Variants in BANP observed in about 807,000 individuals in gnomAD.
BANP encodes protein BANP.
BANP carries 11 observed loss-of-function variants against 68.1 expected under a neutral mutation model. That is an observed-to-expected ratio of 0.16 (90% confidence interval 0.10 to 0.27). BANP has a LOEUF of 0.27. Ranked by LOEUF, BANP falls within the 10% of genes least tolerant of loss-of-function variation. The probability of loss-of-function intolerance (pLI) is 1.00; values close to 1 mark genes in which losing one functional copy is unlikely to be tolerated. For synonymous variants in BANP, 329 were observed against 303.2 expected, an observed-to-expected ratio of 1.09 and a Z score of -0.88; for missense variants, 504 against 722.7, an observed-to-expected ratio of 0.70 and a Z score of 3.47.
chr16:88,049,859 C>G (rs955574598), intron 11 of BANP, among the ~76,000 whole-genome samples: 4 of 152,190 alleles, frequency 2.6e-5, no homozygotes, highest in Non-Finnish European at 1.5e-5. Flanking sequence ...TTTCAGTGTG[C>G]CAGAAGGAAA....
intron 11 of BANP, among the ~76,000 whole-genome samples, chr16:88,042,790 C>A (rs2081140829): frequency 6.6e-6 from 1 of 151,904 alleles, no homozygotes; most frequent in Non-Finnish European, 1.5e-5. Context: ...GTGGTATGTG[C>A]CTGTAGTCCC....
At chr16:87,955,374 T>A (rs1255635755) in intron 1 of BANP, among the ~76,000 whole-genome samples, 3 of 152,208 alleles carry the variant, frequency 2.0e-5, no homozygotes, top group Non-Finnish European at 4.4e-5. Flanking sequence ...GCTTTTAATT[T>A]TCAGATAGTT....
chr16:88,048,326 T>C (rs990760639), intron 11 of BANP, among the ~76,000 whole-genome samples: 12 of 152,148 alleles, frequency 7.9e-5, no homozygotes, highest in South Asian at 4.1e-4. Context: ...TGCAGCACAA[T>C]TGTAGAACTA....
rs117600351 is a variant in BANP at position 87,953,090 on chromosome 16, G to T, written c.-69+1575G>T. ...TCATGACCCAGGAGGCAGAGGCTGC[G>T]TCCACTTTATAGATGAGGTGACTAG... On this transcript the variant is annotated intron_variant, in intron 1 of 13. Coordinates refer to ENST00000682872, the MANE Select transcript of BANP (RefSeq NM_001386991.1). 1.9e-3 allele frequency among the ~76,000 whole-genome samples: 292 copies of T among 152,016 alleles called. 5 individuals are homozygous for T. In the East Asian group the frequency reaches 0.025, roughly 13 times the overall value.
intron 9 of BANP, among the ~76,000 whole-genome samples, chr16:88,034,793 T>C (rs533666995): frequency 1.6e-4 from 24 of 149,162 alleles, no homozygotes; most frequent in Admixed American, 4.0e-4. Context: ...TGCTGGAAAA[T>C]GTTCTGTGTT....
At chr16:88,022,780 A>G (rs1307736813) in intron 7 of BANP, among the ~76,000 whole-genome samples, 1 of 152,008 alleles carries the variant, frequency 6.6e-6, no homozygotes, top group African/African-American at 2.4e-5. Context: ...GCATCCCTCC[A>G]GTCTCTGGCC....
chr16:87,983,384 A>C (rs534481854), intron 3 of BANP, among the ~76,000 whole-genome samples: 41 of 152,278 alleles, frequency 2.7e-4, no homozygotes, highest in African/African-American at 9.9e-4. Context: ...CTGGGACGGC[A>C]GCTGGGGAAA....
intron 11 of BANP, among the ~76,000 whole-genome samples, chr16:88,063,548 C>T (rs762645862): frequency 1.3e-5 from 2 of 152,230 alleles, no homozygotes; most frequent in Non-Finnish European, 2.9e-5. Context: ...CTGATCTCGC[C>T]TTCTGTGCAC....
rs560394981 is a variant in BANP, at chr16:88,004,568, C to T, written c.479+157C>T. Reference sequence around the variant, plus strand: ...AGGCACCGCCCCAGCTCTCTGAGGTCGGGGAGGGCAGGCTGGGCGATGCTG... The same window carrying T: ...AGGCACCGCCCCAGCTCTCTGAGGTTGGGGAGGGCAGGCTGGGCGATGCTG... On this transcript the variant is annotated intron_variant, in intron 5 of 13. Transcript: ENST00000682872. The surrounding 1 kb of genome is among the most constrained non-coding windows in gnomAD (Gnocchi z 7.0). 5.9e-5 allele frequency among the ~76,000 whole-genome samples: 9 copies of T among 152,152 alleles called. No homozygotes were observed. The highest frequency in any genetic ancestry group is 1.9e-4 in the African/African-American group (8 of 41,438).
At chr16:87,972,846 G>A (rs1273266658) in intron 1 of BANP, among the ~76,000 whole-genome samples, 1 of 152,176 alleles carries the variant, frequency 6.6e-6, no homozygotes, top group Non-Finnish European at 1.5e-5. Flanking sequence ...GGGAGCTTTG[G>A]ATAATGCGTT....
At chr16:88,033,345 C>T (rs2078617291) in intron 9 of BANP, 100 bp downstream of exon 9, 2 of 1,256,376 alleles carry the variant, frequency 1.6e-6, no homozygotes, top group Admixed American at 3.1e-5. Flanking sequence ...GTTTTGGGAG[C>T]ACAGTGATAG....
chr16:88,009,229 G>A (rs553716719), intron 6 of BANP, among the ~76,000 whole-genome samples: 5 of 152,316 alleles, frequency 3.3e-5, no homozygotes, highest in African/African-American at 4.8e-5. Context: ...CTGGGCAGGT[G>A]GTGAATCAGC....
chr16:87,975,292 A>C, intron 2 of BANP, 107 bp downstream of exon 2: 1 of 1,096,440 alleles, frequency 9.1e-7, no homozygotes, highest in Non-Finnish European at 1.4e-6. Context: ...AAAGTAATGC[A>C]TGCTGCGTAT....
At chr16:87,977,402 G>C (rs2062372941) in intron 2 of BANP, among the ~76,000 whole-genome samples, 1 of 147,842 alleles carries the variant, frequency 6.8e-6, no homozygotes, top group Admixed American at 6.7e-5. Flanking sequence ...CTGGGCGACA[G>C]AGCGAGACTC....
intron 7 of BANP, among the ~76,000 whole-genome samples, chr16:88,020,814 A>T (rs1181635438): frequency 6.6e-6 from 1 of 152,122 alleles, no homozygotes; most frequent in Non-Finnish European, 1.5e-5. Context: ...CAGGCTAAGG[A>T]TTCGGGCTTT....
chr16:88,029,740 G>A (rs1320667004), intron 8 of BANP, among the ~76,000 whole-genome samples: 2 of 152,162 alleles, frequency 1.3e-5, no homozygotes, highest in Non-Finnish European at 2.9e-5. Flanking sequence ...TAAGACGTTA[G>A]ACAAGCAACA....
intron 12 of BANP, among the ~76,000 whole-genome samples, chr16:88,070,884 G>A (rs545272313): frequency 2.0e-5 from 3 of 152,344 alleles, no homozygotes; most frequent in South Asian, 2.1e-4. Context: ...ATTATACTTC[G>A]TATCTTTAAA....
chr16:87,973,533 T>G (rs4078508), intron 1 of BANP, among the ~76,000 whole-genome samples: 102,771 of 151,866 alleles, frequency 0.68, 35,605 homozygotes, highest in African/African-American at 0.81. Context: ...GGCCGAGGCA[T>G]GCGGATCACC....
At chr16:88,017,774 C>T (rs1370414851) in intron 6 of BANP, among the ~76,000 whole-genome samples, 1 of 152,216 alleles carries the variant, frequency 6.6e-6, no homozygotes, top group Non-Finnish European at 1.5e-5. Context: ...GTGGGCCTGT[C>T]CACGGGTCCT....
Sources: allele counts gnomAD v4.1 joint callset (sites outside exome capture counted in the v4.1 genomes callset), GRCh38; gene constraint gnomAD v4.1.1; non-coding constraint Gnocchi (gnomAD v3.1); transcripts MANE v1.5; gene names NCBI Gene and HGNC (gene_info 2026-07-23, HGNC 2026-07-21).